CDK5RAP2: variants seen among roughly 807,000 people sequenced by gnomAD.
CDK5RAP2 encodes the protein CDK5 regulatory subunit associated protein 2, also known as CDK5 regulatory subunit-associated protein 2.
Under a neutral mutation model 232.9 loss-of-function variants are expected in CDK5RAP2, and 147 were observed. That is an observed-to-expected ratio of 0.63 (90% confidence interval 0.55 to 0.72). CDK5RAP2 has a LOEUF of 0.72. Ranked by LOEUF, CDK5RAP2 falls within the 30% of genes least tolerant of loss-of-function variation. The pLI is 0.00. For synonymous variants in CDK5RAP2, 833 were observed against 833.7 expected, an observed-to-expected ratio of 1.00 and a Z score of 0.01; for missense variants, 2,195 against 2,231.5, an observed-to-expected ratio of 0.98 and a Z score of 0.33.
Position 120,400,725 on chromosome 9 carries a change from C to T in CDK5RAP2, c.5451+17G>A, listed in dbSNP as rs755634534. ...CAGTGGCATCCTTGAGCCTCTGAAACATGTGTCACCACCTACCTGCTCACA... is the reference window on the plus strand; with the variant it reads ...CAGTGGCATCCTTGAGCCTCTGAAATATGTGTCACCACCTACCTGCTCACA... On this transcript the variant is annotated intron_variant, in intron 35 of 37. Transcript: ENST00000349780. 1.2e-6 allele frequency: 2 copies of T among 1,612,928 alleles called. No homozygotes were observed. The highest frequency in any genetic ancestry group is 2.2e-5 in the South Asian group (2 of 91,026).
chr9:120,481,390 T>C (rs988416961), intron 14 of CDK5RAP2, among the ~76,000 whole-genome samples: 3 of 152,140 alleles, frequency 2.0e-5, no homozygotes, highest in Admixed American at 1.3e-4. Flanking sequence ...AGAAAATCTA[T>C]TGTTTCTTGA....
intron 25 of CDK5RAP2, among the ~76,000 whole-genome samples, chr9:120,431,591 G>A (rs1423868456): frequency 6.6e-6 from 1 of 152,178 alleles, no homozygotes; most frequent in Non-Finnish European, 1.5e-5. Flanking sequence ...AGAGGGTGGT[G>A]GGCTGGCAAA....
chr9:120,397,788 T>C (rs1395031817), intron 35 of CDK5RAP2, among the ~76,000 whole-genome samples: 1 of 152,178 alleles, frequency 6.6e-6, no homozygotes, highest in Non-Finnish European at 1.5e-5. Flanking sequence ...TTCTCAAACC[T>C]ACCTAGAGGG....
intron 34 of CDK5RAP2, 135 bp downstream of exon 34, chr9:120,402,671 G>T: frequency 2.1e-6 from 2 of 968,874 alleles, no homozygotes; most frequent in Non-Finnish European, 3.2e-6. Flanking sequence ...TGACCTCTGA[G>T]CTCTCTGAGG....
At chr9:120,468,074 C>A (rs1215309003) in intron 17 of CDK5RAP2, 77 bp from the exon 18 acceptor site, 3 of 1,446,786 alleles carry the variant, frequency 2.1e-6, no homozygotes, top group Non-Finnish European at 2.9e-6. Flanking sequence ...CCCCAGACAG[C>A]CCTATCAAGC....
chr9:120,561,489 G>A (rs934929368), intron 3 of CDK5RAP2, among the ~76,000 whole-genome samples: 2 of 151,784 alleles, frequency 1.3e-5, no homozygotes, highest in Non-Finnish European at 2.9e-5. Context: ...TTGTAGAAAT[G>A]GGGTCTCACT....
intron 12 of CDK5RAP2, among the ~76,000 whole-genome samples, chr9:120,509,723 C>A (rs2039991175): frequency 6.6e-6 from 1 of 152,214 alleles, no homozygotes; most frequent in African/African-American, 2.4e-5. Context: ...CACTCCCTCT[C>A]TCAGATAAAC....
At chr9:120,546,196 G>A (rs1415783940) in intron 4 of CDK5RAP2, among the ~76,000 whole-genome samples, 6 of 152,118 alleles carry the variant, frequency 3.9e-5, no homozygotes, top group Non-Finnish European at 7.4e-5. Context: ...CATGCATGTG[G>A]TGGATGCAGC....
At chr9:120,572,437 T>C (rs774242409) in intron 1 of CDK5RAP2, among the ~76,000 whole-genome samples, 4 of 152,222 alleles carry the variant, frequency 2.6e-5, no homozygotes, top group East Asian at 3.8e-4. Flanking sequence ...AAGCACATAG[T>C]AAGTATTCAG....
chr9:120,540,545 A>G (rs1256923222), intron 5 of CDK5RAP2, among the ~76,000 whole-genome samples: 1 of 152,218 alleles, frequency 6.6e-6, no homozygotes, highest in African/African-American at 2.4e-5. Context: ...CTTTTCACCA[A>G]TAAAGCTTCA....
In CDK5RAP2 at chr9:120,536,467, C is replaced by G. The variant is rs1286029666; in HGVS notation, c.567G>C (p.Lys189Asn). The change falls in exon 7 of 38, where the codon AAG (lysine) becomes AAC (asparagine). Residue 189 changes from lysine to asparagine, a missense_variant. Transcript: ENST00000349780. ...TGCTTTCCAAACGCAACCGAAGAGC[C>G]TTCTCCGTCTCTGTCCCTGCAAAGG... Reference protein sequence around the residue: ...EKAFAGTETEKALRLRLESKL... With the variant: ...EKAFAGTETENALRLRLESKL... 6.2e-6 allele frequency: 10 copies of G among 1,614,054 alleles called. No homozygotes were observed. The highest frequency in any genetic ancestry group is 8.5e-6 in the Non-Finnish European group (10 of 1,180,020).
chr9:120,551,872 G>A (rs1449053251), intron 3 of CDK5RAP2, among the ~76,000 whole-genome samples: 1 of 152,082 alleles, frequency 6.6e-6, no homozygotes, highest in Non-Finnish European at 1.5e-5. Flanking sequence ...AGAGTGCTGT[G>A]TGCAAAATAA....
intron 15 of CDK5RAP2, among the ~76,000 whole-genome samples, chr9:120,476,571 T>C (rs1264745169): frequency 6.6e-6 from 1 of 150,524 alleles, no homozygotes; most frequent in Non-Finnish European, 1.5e-5. Flanking sequence ...CCCAACTACT[T>C]GGGAGGCTGA....
intron 3 of CDK5RAP2, among the ~76,000 whole-genome samples, chr9:120,562,365 C>A (rs1336939817): frequency 1.3e-5 from 2 of 152,154 alleles, no homozygotes; most frequent in Admixed American, 6.5e-5. Context: ...AGCGTTCAAT[C>A]CAGCAGGCCA....
intron 1 of CDK5RAP2, among the ~76,000 whole-genome samples, chr9:120,576,580 T>C (rs1380056921): frequency 6.6e-6 from 1 of 152,132 alleles, no homozygotes; most frequent in Admixed American, 6.5e-5. Context: ...CACGTGCCTG[T>C]AGTCCCAGCT....
At chr9:120,492,058 TAA>T (rs1022778016) in intron 12 of CDK5RAP2, among the ~76,000 whole-genome samples, 5 of 150,990 alleles carry the variant, frequency 3.3e-5, no homozygotes, top group Non-Finnish European at 7.4e-5. Context: ...TATAATAACA[TAA>T]AAAAAGTTCA....
intron 25 of CDK5RAP2, among the ~76,000 whole-genome samples, chr9:120,432,590 A>C (rs760802804): frequency 6.6e-6 from 1 of 152,230 alleles, no homozygotes; most frequent in Non-Finnish European, 1.5e-5. Context: ...TCCCCAAGAA[A>C]AGGAGCTGTG....
chr9:120,499,254 G>A (rs1049722125), intron 12 of CDK5RAP2, among the ~76,000 whole-genome samples: 2 of 152,198 alleles, frequency 1.3e-5, no homozygotes, highest in African/African-American at 4.8e-5. Flanking sequence ...AGGAGGGAGT[G>A]AGGGGGAGGG....
At chr9:120,523,386 C>G (rs2040758076) in intron 11 of CDK5RAP2, among the ~76,000 whole-genome samples, 1 of 152,120 alleles carries the variant, frequency 6.6e-6, no homozygotes, top group African/African-American at 2.4e-5. Context: ...CATAATTTTC[C>G]TAAGAATTCA....
Sources: allele counts gnomAD v4.1 joint callset (sites outside exome capture counted in the v4.1 genomes callset), GRCh38; gene constraint gnomAD v4.1.1; transcripts MANE v1.5; gene names NCBI Gene and HGNC (gene_info 2026-07-23, HGNC 2026-07-21).